PHACTR1: variants seen among roughly 807,000 people sequenced by gnomAD.
The protein encoded by PHACTR1 is RPEL repeat containing 1.
In PHACTR1, 16 loss-of-function variants were observed where a neutral mutation model predicts 69.2. The ratio of observed to expected loss-of-function variants is 0.23; its 90% CI spans 0.16 to 0.35. PHACTR1 has a LOEUF of 0.35. Ranked by LOEUF, PHACTR1 falls within the 10% of genes least tolerant of loss-of-function variation. The pLI is 1.00. For missense variants in PHACTR1, 510 were observed against 734.7 expected (o/e 0.69, Z 3.54); for synonymous variants, 312 against 284.5 (o/e 1.10, Z -0.97).
intron 4 of PHACTR1, among the ~76,000 whole-genome samples, chr6:12,875,578 C>G (rs1173047374): frequency 6.6e-6 from 1 of 152,066 alleles, no homozygotes; most frequent in Non-Finnish European, 1.5e-5. Flanking sequence ...CTTGAAAGAC[C>G]AGTAAAAAAG....
At chr6:13,188,025 C>T (rs770217432) in intron 7 of PHACTR1, among the ~76,000 whole-genome samples, 4 of 152,124 alleles carry the variant, frequency 2.6e-5, no homozygotes, top group African/African-American at 2.4e-5. Flanking sequence ...TATGAGAGAC[C>T]GAAGATATCT....
At chr6:13,013,343 G>A (rs1278569850) in intron 4 of PHACTR1, among the ~76,000 whole-genome samples, 3 of 152,268 alleles carry the variant, frequency 2.0e-5, no homozygotes, top group African/African-American at 7.2e-5. Flanking sequence ...TCCAGTGAAA[G>A]TCAAGGGCTA....
At chr6:12,814,406 C>T (rs1322680833) in intron 4 of PHACTR1, among the ~76,000 whole-genome samples, 3 of 152,204 alleles carry the variant, frequency 2.0e-5, no homozygotes, top group Non-Finnish European at 4.4e-5. Context: ...GTGCCTGGCA[C>T]AGAATAGACG....
At chr6:13,229,335 G>A (rs1180982848) in intron 9 of PHACTR1, among the ~76,000 whole-genome samples, 2 of 152,078 alleles carry the variant, frequency 1.3e-5, no homozygotes, top group African/African-American at 4.8e-5. Flanking sequence ...ATTTTGCCAG[G>A]TGTTCCCTGG....
chr6:12,885,963 A>C (rs956347983), intron 4 of PHACTR1, among the ~76,000 whole-genome samples: 12 of 152,064 alleles, frequency 7.9e-5, no homozygotes, highest in African/African-American at 2.9e-4. Context: ...GGCCTGGTGG[A>C]TGGCACTTGT....
chr6:13,255,988 C>A (rs372381519), intron 10 of PHACTR1, among the ~76,000 whole-genome samples: 17 of 152,236 alleles, frequency 1.1e-4, no homozygotes, highest in Admixed American at 1.1e-3. Flanking sequence ...TTTCCCTCTG[C>A]GCTGCCTTAG....
intron 10 of PHACTR1, among the ~76,000 whole-genome samples, chr6:13,263,988 G>A (rs536226615): frequency 2.6e-5 from 4 of 152,346 alleles, no homozygotes; most frequent in Admixed American, 6.5e-5. Flanking sequence ...GGTGTCCCCC[G>A]AAAATTTTGA....
chr6:13,177,404 C>G (rs1188768666), intron 6 of PHACTR1, among the ~76,000 whole-genome samples: 2 of 143,738 alleles, frequency 1.4e-5, no homozygotes, highest in African/African-American at 5.2e-5. Flanking sequence ...CACACACACA[C>G]AGACATGCAC....
At chr6:12,861,364 CA>C (rs745963872) in intron 4 of PHACTR1, among the ~76,000 whole-genome samples, 1 of 152,174 alleles carries the variant, frequency 6.6e-6, no homozygotes, top group East Asian at 1.9e-4. Context: ...TCCTGTTAAC[CA>C]AACAACAAAA....
chr6:13,150,639 A>C (rs1824161129), intron 5 of PHACTR1, among the ~76,000 whole-genome samples: 1 of 152,142 alleles, frequency 6.6e-6, no homozygotes, highest in Non-Finnish European at 1.5e-5. Flanking sequence ...TCCATTTTCA[A>C]CATATCATTA....
At chr6:12,927,110 A>G (rs1221005224) in intron 4 of PHACTR1, among the ~76,000 whole-genome samples, 1 of 152,222 alleles carries the variant, frequency 6.6e-6, no homozygotes, top group African/African-American at 2.4e-5. Flanking sequence ...CTGGGTCATC[A>G]TGTGCAGTTA....
intron 5 of PHACTR1, among the ~76,000 whole-genome samples, chr6:13,158,401 A>G (rs1004686362): frequency 2.0e-5 from 3 of 151,992 alleles, no homozygotes; most frequent in Non-Finnish European, 4.4e-5. Context: ...CCTCCCATAT[A>G]GCCCTCCTGC....
intron 4 of PHACTR1, among the ~76,000 whole-genome samples, chr6:12,958,223 T>C (rs1792148882): frequency 6.6e-6 from 1 of 152,176 alleles, no homozygotes; most frequent in Non-Finnish European, 1.5e-5. Flanking sequence ...GGTGTTAGTG[T>C]AGATGCCTCA....
At chr6:13,186,358 A>G (rs1219016224) in intron 7 of PHACTR1, among the ~76,000 whole-genome samples, 1 of 152,240 alleles carries the variant, frequency 6.6e-6, no homozygotes, top group Non-Finnish European at 1.5e-5. Flanking sequence ...GTTAGTAACA[A>G]TTCCACAACG....
At chr6:13,261,010 C>T (rs981267909) in intron 10 of PHACTR1, among the ~76,000 whole-genome samples, 1 of 152,216 alleles carries the variant, frequency 6.6e-6, no homozygotes, top group African/African-American at 2.4e-5. Flanking sequence ...TGGCCTCTAT[C>T]TACCGGATGC....
chr6:13,026,539 A>G (rs1801723325), intron 4 of PHACTR1, among the ~76,000 whole-genome samples: 1 of 152,062 alleles, frequency 6.6e-6, no homozygotes, highest in Admixed American at 6.6e-5. Context: ...TTTTATATCC[A>G]TAGTGCTGGC....
chr6:12,855,035 TG>T (rs1780208719), intron 4 of PHACTR1, among the ~76,000 whole-genome samples: 1 of 152,214 alleles, frequency 6.6e-6, no homozygotes, highest in Non-Finnish European at 1.5e-5. Context: ...ATCCCGTTAG[TG>T]GGTGTACTCT....
At chr6:12,979,421 G>C (rs1343287188) in intron 4 of PHACTR1, among the ~76,000 whole-genome samples, 1 of 152,164 alleles carries the variant, frequency 6.6e-6, no homozygotes, top group Non-Finnish European at 1.5e-5. Context: ...CAGTGCACAT[G>C]TAGCTATGAG....
intron 10 of PHACTR1, among the ~76,000 whole-genome samples, chr6:13,238,494 T>C (rs1214696800): frequency 2.0e-5 from 3 of 152,230 alleles, no homozygotes; most frequent in African/African-American, 7.2e-5. Context: ...CTAAGTAGTC[T>C]ACACCATTGT....
Sources: allele counts gnomAD v4.1 joint callset (sites outside exome capture counted in the v4.1 genomes callset), GRCh38; gene constraint gnomAD v4.1.1; transcripts MANE v1.5; gene names NCBI Gene and HGNC (gene_info 2026-07-23, HGNC 2026-07-21).